Variants in CDKAL1 observed in about 807,000 individuals in gnomAD.
CDKAL1 encodes CDKAL1 threonylcarbamoyladenosine tRNA methylthiotransferase.
A neutral mutation model predicts 68.2 loss-of-function variants in CDKAL1; 32 were observed. The ratio of observed to expected loss-of-function variants is 0.47; its 90% CI spans 0.35 to 0.63. The LOEUF is 0.63. CDKAL1 is among the 30% of genes least tolerant of loss of function. CDKAL1 has a pLI of 0.00. For synonymous variants in CDKAL1, 234 were observed against 244.3 expected (o/e 0.96, Z 0.39); for missense variants, 606 against 696.7 (o/e 0.87, Z 1.47).
intron 10 of CDKAL1, among the ~76,000 whole-genome samples, chr6:20,991,322 A>C (rs955718136): frequency 6.6e-6 from 1 of 152,194 alleles, no homozygotes. Flanking sequence ...TGGGAAGATC[A>C]AAAGGTTCTG....
At chr6:20,612,202 G>T (rs1766647877) in intron 4 of CDKAL1, among the ~76,000 whole-genome samples, 1 of 152,142 alleles carries the variant, frequency 6.6e-6, no homozygotes, top group South Asian at 2.1e-4. Context: ...GAGTAGTGCT[G>T]CAGTGAACAT....
At chr6:20,693,974 A>G (rs1420781702) in intron 5 of CDKAL1, among the ~76,000 whole-genome samples, 1 of 151,380 alleles carries the variant, frequency 6.6e-6, no homozygotes, top group African/African-American at 2.4e-5. Context: ...CCAGGCTCAG[A>G]GGATCCTCCC....
At chr6:20,726,414 G>GCGAC (rs1254307757) in intron 5 of CDKAL1, among the ~76,000 whole-genome samples, 1 of 152,140 alleles carries the variant, frequency 6.6e-6, no homozygotes, top group Non-Finnish European at 1.5e-5. Context: ...CTGTAACCAA[G>GCGAC]CGACCTTGGG....
At chr6:20,538,689 C>T (rs1213492011) in intron 2 of CDKAL1, among the ~76,000 whole-genome samples, 1 of 152,124 alleles carries the variant, frequency 6.6e-6, no homozygotes, top group Non-Finnish European at 1.5e-5. Flanking sequence ...TTCCGCATTC[C>T]AAAGGCACTA....
intron 12 of CDKAL1, among the ~76,000 whole-genome samples, chr6:21,080,387 G>C (rs1178338618): frequency 3.9e-5 from 6 of 152,192 alleles, no homozygotes; most frequent in African/African-American, 1.4e-4. Context: ...CTCCAGCAGT[G>C]TAAACAGTGT....
At chr6:20,701,065 C>T (rs887414120) in intron 5 of CDKAL1, among the ~76,000 whole-genome samples, 4 of 152,064 alleles carry the variant, frequency 2.6e-5, no homozygotes, top group African/African-American at 7.2e-5. Flanking sequence ...TACAAAATTT[C>T]GATGAGATTT....
chr6:21,225,318 C>T (rs996329178), intron 15 of CDKAL1, among the ~76,000 whole-genome samples: 2 of 152,104 alleles, frequency 1.3e-5, no homozygotes, highest in Non-Finnish European at 2.9e-5. Flanking sequence ...AGGAGGTGCA[C>T]TCCACCGGCT....
rs576394678 is a variant in CDKAL1 at position 21,044,269 on chromosome 6, C to T, written c.1056-20779C>T. ...GCACAGTTGGTCACATTACTGTTTA[C>T]CTCCACTGGTGGCTAGAAATCCTGT... On this transcript the variant is annotated intron_variant, in intron 11 of 15. Transcript: ENST00000274695. 3.3e-5 allele frequency among the ~76,000 whole-genome samples: 5 copies of T among 152,258 alleles called. No homozygotes were observed. In the East Asian group the frequency reaches 9.6e-4, roughly 29 times the overall value.
chr6:20,985,715 T>G (rs1398699692), intron 10 of CDKAL1, among the ~76,000 whole-genome samples: 1 of 151,914 alleles, frequency 6.6e-6, no homozygotes, highest in Non-Finnish European at 1.5e-5. Context: ...AACTCAGGAG[T>G]TCACTTGAAC....
intron 9 of CDKAL1, among the ~76,000 whole-genome samples, chr6:20,870,136 A>G (rs996157737): frequency 6.6e-6 from 1 of 152,186 alleles, no homozygotes; most frequent in Non-Finnish European, 1.5e-5. Flanking sequence ...CGCTTCTTCC[A>G]AACACTACAT....
chr6:20,752,294 T>TCC (rs976284146), intron 6 of CDKAL1, among the ~76,000 whole-genome samples: 28 of 152,232 alleles, frequency 1.8e-4, no homozygotes, highest in African/African-American at 6.5e-4. Flanking sequence ...GTCCTGGGGT[T>TCC]CCCACACACC....
intron 8 of CDKAL1, among the ~76,000 whole-genome samples, chr6:20,825,307 T>C (rs1383957644): frequency 6.7e-6 from 1 of 148,940 alleles, no homozygotes; most frequent in East Asian, 2.0e-4. Flanking sequence ...TTAAATGACA[T>C]AATAATTTTG....
intron 8 of CDKAL1, among the ~76,000 whole-genome samples, chr6:20,833,556 TA>T (rs1030736765): frequency 9.2e-5 from 14 of 152,030 alleles, no homozygotes; most frequent in Admixed American, 2.6e-4. Context: ...AACCTGTAAC[TA>T]AAAAGTAACT....
chr6:20,815,535 G>A (rs953760857), intron 8 of CDKAL1, among the ~76,000 whole-genome samples: 1 of 149,292 alleles, frequency 6.7e-6, no homozygotes, highest in Non-Finnish European at 1.5e-5. Flanking sequence ...CTTTTTTGAT[G>A]GTTATCTGTT....
chr6:21,057,305 G>T (rs1166481676), intron 11 of CDKAL1, among the ~76,000 whole-genome samples: 1 of 152,088 alleles, frequency 6.6e-6, no homozygotes. Context: ...TAGTTCATTT[G>T]CATAGAGGTG....
At chr6:21,011,277 G>T (rs532903987) in intron 11 of CDKAL1, among the ~76,000 whole-genome samples, 134 of 151,688 alleles carry the variant, frequency 8.8e-4, no homozygotes, top group African/African-American at 3.2e-3. Context: ...CCAGCTACTC[G>T]GGAGGCTGAT....
rs545017559 is a variant in CDKAL1, at chr6:21,178,279, T to C, written c.1300-19742T>C. 5.4e-4 allele frequency among the ~76,000 whole-genome samples: 82 copies of C among 152,272 alleles called. No individual in the cohort carries two copies. In the South Asian group the frequency reaches 7.0e-3, roughly 13 times the overall value. On this transcript the variant is annotated intron_variant, in intron 13 of 15. Coordinates refer to ENST00000274695, the MANE Select transcript of CDKAL1 (RefSeq NM_017774.3). Reference sequence around the variant, plus strand: ...CTGATCATCATTCTAAACTATATGATGGGGGTTACATATTTAAGGATCTTT... The same window carrying C: ...CTGATCATCATTCTAAACTATATGACGGGGGTTACATATTTAAGGATCTTT...
intron 8 of CDKAL1, among the ~76,000 whole-genome samples, chr6:20,818,488 A>G (rs1777140937): frequency 6.6e-6 from 1 of 152,034 alleles, no homozygotes; most frequent in Non-Finnish European, 1.5e-5. Flanking sequence ...TGTCTCCTAT[A>G]ATTGAAATCA....
At chr6:20,764,784 T>C (rs1417515783) in intron 7 of CDKAL1, among the ~76,000 whole-genome samples, 1 of 152,194 alleles carries the variant, frequency 6.6e-6, no homozygotes, top group Non-Finnish European at 1.5e-5. Flanking sequence ...ATCTGCTTTT[T>C]CAATAGTTGC....
Sources: gnomAD v4.1 joint callset for allele counts (sites outside exome capture counted in the v4.1 genomes callset) on GRCh38, gnomAD v4.1.1 for gene constraint, MANE v1.5 for transcripts, NCBI Gene and HGNC (gene_info 2026-07-23, HGNC 2026-07-21) for gene names.